Variants in SLC16A7 observed in about 807,000 individuals in gnomAD.
SLC16A7 encodes solute carrier family 16 member 7.
In SLC16A7, 33 loss-of-function variants were observed where a neutral mutation model predicts 34.9. The ratio of observed to expected loss-of-function variants is 0.94; its 90% confidence interval spans 0.72 to 1.26. The LOEUF (loss-of-function observed/expected upper bound fraction) is 1.26, where lower values mean the gene tolerates loss of function less well. Ranked by LOEUF, SLC16A7 falls within the 50% of genes most tolerant of loss-of-function variation. The probability of loss-of-function intolerance (pLI) is 0.00; values close to 1 mark genes in which losing one functional copy is unlikely to be tolerated. For synonymous variants in SLC16A7, 201 were observed against 206.6 expected (o/e 0.97, Z 0.23); for missense variants, 573 against 578.1 (o/e 0.99, Z 0.09).
chr12:59,710,452 G>A (rs1874091226), intron 3 of SLC16A7, among the ~76,000 whole-genome samples: 1 of 152,116 alleles, frequency 6.6e-6, no homozygotes, highest in Non-Finnish European at 1.5e-5. Flanking sequence ...GGGGACAGAG[G>A]TCAACAACAG....
intron 1 of SLC16A7, among the ~76,000 whole-genome samples, chr12:59,647,202 C>G (rs1165607018): frequency 6.6e-6 from 1 of 152,192 alleles, no homozygotes; most frequent in Non-Finnish European, 1.5e-5. Context: ...ATATGGTTGG[C>G]TGTGTCCCTA....
At chr12:59,676,991 C>T (rs1005945073) in intron 2 of SLC16A7, among the ~76,000 whole-genome samples, 2 of 152,152 alleles carry the variant, frequency 1.3e-5, no homozygotes, top group Non-Finnish European at 2.9e-5. Flanking sequence ...GTTTCATCTG[C>T]ACCCTGTTCC....
intron 1 of SLC16A7, among the ~76,000 whole-genome samples, chr12:59,622,063 A>T (rs984358572): frequency 3.3e-5 from 5 of 151,846 alleles, no homozygotes; most frequent in East Asian, 3.9e-4. Flanking sequence ...GTGTGAATGC[A>T]CTGTGGGCCT....
At chr12:59,676,522 A>G (rs1359032747) in intron 2 of SLC16A7, among the ~76,000 whole-genome samples, 1 of 152,088 alleles carries the variant, frequency 6.6e-6, no homozygotes, top group Non-Finnish European at 1.5e-5. Context: ...TCATTCAAGC[A>G]TACCAAATGG....
chr12:59,601,823 G>A (rs1320421727), intron 1 of SLC16A7, among the ~76,000 whole-genome samples: 1 of 152,070 alleles, frequency 6.6e-6, no homozygotes, highest in African/African-American at 2.4e-5. Flanking sequence ...CTTTTATAAG[G>A]GTGCTAATCC....
chr12:59,708,672 A>G (rs968157937), intron 3 of SLC16A7, among the ~76,000 whole-genome samples: 2 of 152,024 alleles, frequency 1.3e-5, no homozygotes, highest in Non-Finnish European at 2.9e-5. Flanking sequence ...CCTATTAATC[A>G]CTACTGTGGG....
chr12:59,678,533 T>G (rs925685744), intron 2 of SLC16A7, among the ~76,000 whole-genome samples: 3 of 151,992 alleles, frequency 2.0e-5, no homozygotes, highest in African/African-American at 7.3e-5. Flanking sequence ...GACTCTGGAG[T>G]GAGTAACTCT....
chr12:59,706,075 T>G (rs1360205575), intron 3 of SLC16A7, among the ~76,000 whole-genome samples: 1 of 152,108 alleles, frequency 6.6e-6, no homozygotes, highest in Non-Finnish European at 1.5e-5. Flanking sequence ...ATACAATAGC[T>G]CTCCCAAGTC....
chr12:59,597,727 A>G (rs1878489190), intron 1 of SLC16A7, among the ~76,000 whole-genome samples: 1 of 152,314 alleles, frequency 6.6e-6, no homozygotes, highest in South Asian at 2.1e-4. Context: ...ATTTAAAGCA[A>G]TCCAAGTGAG....
intron 2 of SLC16A7, among the ~76,000 whole-genome samples, chr12:59,659,887 G>A (rs1432443524): frequency 2.0e-5 from 3 of 152,046 alleles, no homozygotes; most frequent in African/African-American, 4.8e-5. Flanking sequence ...GGAATGGATC[G>A]AAGTGTTATT....
chr12:59,751,302 A>G (rs1879517588), intron 3 of SLC16A7, among the ~76,000 whole-genome samples: 1 of 152,226 alleles, frequency 6.6e-6, no homozygotes, highest in Non-Finnish European at 1.5e-5. Context: ...AGGGCGAGGC[A>G]TTGCCTCACT....
intron 4 of SLC16A7, 139 bp downstream of exon 4, chr12:59,771,501 T>C (rs910486763): frequency 1.3e-5 from 7 of 523,150 alleles, no homozygotes; most frequent in Non-Finnish European, 2.2e-5. Context: ...TATTTTCATC[T>C]AGTACATTGA....
intron 1 of SLC16A7, among the ~76,000 whole-genome samples, chr12:59,620,738 C>G (rs1344354831): frequency 6.6e-6 from 1 of 151,744 alleles, no homozygotes; most frequent in Non-Finnish European, 1.5e-5. Context: ...GAAGAGAAAT[C>G]AAATGTACGA....
chr12:59,753,729 T>C (rs908591179), intron 3 of SLC16A7, among the ~76,000 whole-genome samples: 6 of 152,242 alleles, frequency 3.9e-5, no homozygotes, highest in African/African-American at 1.4e-4. Context: ...TACCCAGGAA[T>C]TGAACTCAGC....
chr12:59,702,958 T>TA (rs767500932), intron 2 of SLC16A7, among the ~76,000 whole-genome samples: 54 of 152,076 alleles, frequency 3.6e-4, no homozygotes, highest in Non-Finnish European at 7.1e-4. Flanking sequence ...TTGTCACATT[T>TA]AAAAAATAGA....
At chr12:59,736,984 GTCT>G (rs1468186492) in intron 3 of SLC16A7, among the ~76,000 whole-genome samples, 5 of 152,104 alleles carry the variant, frequency 3.3e-5, no homozygotes, top group Non-Finnish European at 7.3e-5. Flanking sequence ...AAGCCCTGAG[GTCT>G]TCTCTGACTG....
intron 1 of SLC16A7, among the ~76,000 whole-genome samples, chr12:59,626,846 T>C (rs2136988345): frequency 6.6e-6 from 1 of 151,938 alleles, no homozygotes. Context: ...ACAGTTTTAA[T>C]TTTTTGCCAC....
intron 3 of SLC16A7, among the ~76,000 whole-genome samples, chr12:59,723,720 C>G (rs570348058): frequency 1.6e-4 from 24 of 152,098 alleles, no homozygotes; most frequent in African/African-American, 5.8e-4. Flanking sequence ...CACAATGACT[C>G]TGTGTGCTAT....
intron 1 of SLC16A7, among the ~76,000 whole-genome samples, chr12:59,607,815 T>A (rs537277828): frequency 6.6e-6 from 1 of 152,322 alleles, no homozygotes; most frequent in South Asian, 2.1e-4. Flanking sequence ...ATTATTTCCA[T>A]TTTTGTAACA....
Sources: allele counts gnomAD v4.1 joint callset (sites outside exome capture counted in the v4.1 genomes callset), GRCh38; gene constraint gnomAD v4.1.1; transcripts MANE v1.5; gene names NCBI Gene and HGNC (gene_info 2026-07-23, HGNC 2026-07-21).